TP53I11: variants seen among roughly 807,000 people sequenced by gnomAD.
The protein encoded by TP53I11 is tumor protein p53-inducible protein 11.
TP53I11 carries 9 observed loss-of-function variants against 23.3 expected under a neutral mutation model. The observed-to-expected ratio is 0.39, with a 90% CI of 0.23 to 0.67. The LOEUF (loss-of-function observed/expected upper bound fraction) is 0.67, where lower values mean the gene tolerates loss of function less well. TP53I11 is among the 30% of genes least tolerant of loss of function. The probability of loss-of-function intolerance (pLI) is 0.48; values close to 1 mark genes in which losing one functional copy is unlikely to be tolerated. For missense variants in TP53I11, 170 were observed against 255.2 expected, an observed-to-expected ratio of 0.67 and a Z score of 2.27; for synonymous variants, 100 against 106.1, an observed-to-expected ratio of 0.94 and a Z score of 0.35.
intron 1 of TP53I11, among the ~76,000 whole-genome samples, chr11:44,942,809 G>C (rs115705869): frequency 2.0e-5 from 3 of 151,990 alleles, no homozygotes; most frequent in African/African-American, 7.3e-5. Flanking sequence ...CTCTGAGAAC[G>C]GCGCTCCACC....
At chr11:44,937,111 T>C (rs1861223426) in intron 4 of TP53I11, 193 bp downstream of exon 4, 3 of 786,810 alleles carry the variant, frequency 3.8e-6, no homozygotes, top group South Asian at 3.1e-5. Flanking sequence ...CCACAAACCA[T>C]GGGATCTAGT....
chr11:44,937,316 G>A lies in TP53I11; in HGVS notation c.225C>T (p.Gly75=). ...GGTGGGGGCTCACCATGATGGCAATGCCGGAGAAGAGCACAGCAGAGACGA... is the reference window on the plus strand; with the variant it reads ...GGTGGGGGCTCACCATGATGGCAATACCGGAGAAGAGCACAGCAGAGACGA... ...WQFVSAVLFS[G]IAIMALAFPD... is the part of the protein sequence containing the mutation. Residue 75 remains glycine, a synonymous_variant, in exon 4 of 7, where the codon GGC becomes GGT. Coordinates refer to ENST00000525680, the MANE Select transcript of TP53I11 (RefSeq NM_006034.5). 1 of 1,504,058 alleles carries A rather than the reference G, an allele frequency of 6.6e-7. No homozygotes were observed. The highest frequency in any genetic ancestry group is 8.9e-7 in the Non-Finnish European group (1 of 1,127,376). The allele number at this position is 1,504,058 out of a possible 1,614,324, so 93.2% of individuals were successfully genotyped here. A position where few individuals can be genotyped will look rare whatever the true frequency, so the allele number is the denominator to read the frequency against.
chr11:44,951,032 C>G (rs1862916851), upstream of TP53I11: 1 of 151,978 alleles, frequency 6.6e-6, no homozygotes, highest in East Asian at 1.9e-4. Context: ...CCGGCTCCCC[C>G]GCGAGGCTCT....
intron 1 of TP53I11, 127 bp from the exon 2 acceptor site, chr11:44,938,493 C>A (rs1861417629): frequency 8.9e-7 from 1 of 1,124,656 alleles, no homozygotes; most frequent in Non-Finnish European, 1.2e-6. Flanking sequence ...GAGCCCAGGG[C>A]AGTAGGGGGA....
Position 44,935,632 on chromosome 11 carries a change from T to C in TP53I11, c.365A>G (p.Tyr122Cys). The change falls in exon 6 of 7, where the codon TAC becomes TGC. Residue 122 changes from tyrosine (Y) to cysteine (C), a missense_variant. By Grantham distance (194) the Tyr-to-Cys change is radical. Transcript: ENST00000525680. ...SISLIMWNAL[Y>C]TAEKVIIRWT... ...TCGAATGATGACCTTCTCAGCCGTG[T>C]AGAGAGCGTTCCACATGATCAGGGA... 1 of 1,612,008 alleles carries C rather than the reference T, an allele frequency of 6.2e-7. No individual in the cohort carries two copies. The highest frequency in any genetic ancestry group is 8.5e-7 in the Non-Finnish European group (1 of 1,179,602).
chr11:44,938,855 G>A (rs1333886727), intron 1 of TP53I11, among the ~76,000 whole-genome samples: 6 of 152,088 alleles, frequency 3.9e-5, no homozygotes, highest in African/African-American at 7.2e-5. Context: ...CCCCTCTCCC[G>A]TCTCCCTGCC....
At chr11:44,948,953 A>G (rs1862649183) in intron 1 of TP53I11, among the ~76,000 whole-genome samples, 1 of 152,208 alleles carries the variant, frequency 6.6e-6, no homozygotes, top group Non-Finnish European at 1.5e-5. Flanking sequence ...GCAGGTCATG[A>G]CAGCTGGACA....
Position 44,936,883 on chromosome 11 carries a change from T to C in TP53I11, c.254A>G (p.Asp85Gly), listed in dbSNP as rs1318032339. 6.2e-6 allele frequency: 10 copies of C among 1,607,710 alleles called. No homozygotes were observed. The highest frequency in any genetic ancestry group is 7.6e-6 in the Non-Finnish European group (9 of 1,177,812). Residue 85 changes from aspartate (D) to glycine (G), a missense_variant, in exon 5 of 7, where the codon GAC (aspartate) becomes GGC (glycine). Coordinates refer to ENST00000525680, the MANE Select transcript of TP53I11 (RefSeq NM_006034.5). This position sits in a 1 kb window ranked among gnomAD's most constrained non-coding sequence, Gnocchi z 4.4. ...ATCAAAGACCGCATCATAGAGCTGG[T>C]CAGGGAAGGCAAGCGCCTGCGGGCA... ...GIAIMALAFP[D>G]QLYDAVFDGA... is the part of the protein sequence containing the mutation.
At chr11:44,947,064 G>C in intron 1 of TP53I11, 1 of 456,380 alleles carries the variant, frequency 2.2e-6, no homozygotes, top group Non-Finnish European at 4.4e-6. Context: ...GAGAGGTCAG[G>C]GCAGAGCAGG....
chr11:44,949,330 G>A (rs1246167895), intron 1 of TP53I11, among the ~76,000 whole-genome samples: 2 of 152,170 alleles, frequency 1.3e-5, no homozygotes, highest in African/African-American at 4.8e-5. Context: ...GGAGGTCCAA[G>A]GGACCACATA....
At chr11:44,940,070 C>T (rs1335207569) in intron 1 of TP53I11, among the ~76,000 whole-genome samples, 1 of 152,240 alleles carries the variant, frequency 6.6e-6, no homozygotes, top group Non-Finnish European at 1.5e-5. Context: ...CGTCCTGACA[C>T]CTCAGCTGCT....
intron 1 of TP53I11, chr11:44,943,309 C>G (rs1030924624): frequency 2.6e-5 from 4 of 152,270 alleles, no homozygotes; most frequent in African/African-American, 9.6e-5. Context: ...TGTGAAGCTT[C>G]CTGCTCTGCC....
In TP53I11 at chr11:44,933,889, C is replaced by CA. The variant is rs1282480836; in HGVS notation, c.*994dup. 2.0e-5 allele frequency: 3 copies of CA among 153,788 alleles called. No individual in the cohort carries two copies. Among genetic ancestry groups the CA allele is most frequent in the African/African-American group, 7.2e-5 (3 of 41,512 alleles). 9.5% of individuals were successfully genotyped at this position (153,788 alleles called of 1,614,324 possible). ...GGGACAGGCTGAGCCCAGTGGCCAT[C>CA]AGGCCTTGGGGTACATGCCAAGGGG... On this transcript the variant is annotated 3_prime_UTR_variant, in exon 7 of 7. Transcript: ENST00000525680.
intron 1 of TP53I11, among the ~76,000 whole-genome samples, chr11:44,942,326 C>A (rs1205755129): frequency 6.9e-6 from 1 of 145,422 alleles, no homozygotes; most frequent in Non-Finnish European, 1.5e-5. Flanking sequence ...ACATTACACA[C>A]CATAGACACC....
chr11:44,937,565 A>G lies in TP53I11; in HGVS notation c.178T>C (p.Leu60=), dbSNP rs779655760. Residue 60 remains leucine, a synonymous_variant, in exon 3 of 7, where the codon TTG becomes CTG. Transcript: ENST00000525680. ...CAGGTAAATGCTCACCTGAGCCCCA[A>G]AGGCTCCCGAATGGTAAACTTGATT... ...NEIKFTIREP[L]GLRVWQFVSA... 107 of 1,613,612 alleles carry G rather than the reference A, an allele frequency of 6.6e-5. No homozygotes were observed. The highest frequency in any genetic ancestry group is 1.5e-4 in the South Asian group (14 of 91,010).
intron 1 of TP53I11, among the ~76,000 whole-genome samples, chr11:44,941,859 T>C (rs1396815362): frequency 6.6e-6 from 1 of 152,128 alleles, no homozygotes; most frequent in Non-Finnish European, 1.5e-5. Context: ...GCCCAGGCTG[T>C]GTCCACGGCC....
chr11:44,934,854 C>T lies in TP53I11; in HGVS notation c.*30G>A. Reference sequence around the variant, plus strand: ...GGCCCCAGCGCCACTCTGGCCCAGGCATGGGCAGGGCCCCAGGCCCAGCGG... The same window carrying T: ...GGCCCCAGCGCCACTCTGGCCCAGGTATGGGCAGGGCCCCAGGCCCAGCGG... On this transcript the variant is annotated 3_prime_UTR_variant, in exon 7 of 7. Coordinates refer to ENST00000525680, the MANE Select transcript of TP53I11 (RefSeq NM_006034.5). The T allele has an allele frequency of 6.2e-7, 1 of 1,613,342 alleles. No homozygotes were observed. Among genetic ancestry groups the T allele is most frequent in the Middle Eastern group, 1.7e-4 (1 of 6,042 alleles).
At chr11:44,942,402 CCA>C (rs1203178122) in intron 1 of TP53I11, among the ~76,000 whole-genome samples, 5 of 146,594 alleles carry the variant, frequency 3.4e-5, no homozygotes, top group Admixed American at 1.4e-4. Context: ...ACCACAAACA[CCA>C]CACACACACC....
Position 44,936,633 on chromosome 11 carries a change from A to G in TP53I11, c.334+170T>C, listed in dbSNP as rs764016020. 7.5e-6 allele frequency: 10 copies of G among 1,339,514 alleles called. No individual in the cohort carries two copies. The highest frequency in any genetic ancestry group is 9.6e-6 in the Non-Finnish European group (10 of 1,045,226). The allele number at this position is 1,339,514 out of a possible 1,614,324, so 83.0% of individuals were successfully genotyped here. A position where few individuals can be genotyped will look rare whatever the true frequency, so the allele number is the denominator to read the frequency against. On this transcript the variant is annotated intron_variant, in intron 5 of 6. Transcript: ENST00000525680. This position sits in a 1 kb window ranked among gnomAD's most constrained non-coding sequence, Gnocchi z 4.4. ...GGTGTATTCCACCAATGGCCACAAG[A>G]TGGCAGCACATCCCCAGCAGAGAGC...
Sources: gnomAD v4.1 joint callset for allele counts (sites outside exome capture counted in the v4.1 genomes callset) on GRCh38, gnomAD v4.1.1 for gene constraint, Gnocchi (gnomAD v3.1) non-coding constraint, MANE v1.5 for transcripts, NCBI Gene and HGNC (gene_info 2026-07-23, HGNC 2026-07-21) for gene names.